The following OVCH1 variants were observed in gnomAD, a reference collection of about 807,000 sequenced individuals.
The protein encoded by OVCH1 is ovochymase-1.
OVCH1 carries 139 observed loss-of-function variants against 138.4 expected under a neutral mutation model. The observed-to-expected ratio is 1.00, with a 90% CI of 0.87 to 1.16. The LOEUF is 1.16. Ranked by LOEUF, OVCH1 falls within the 50% of genes most tolerant of loss-of-function variation. The pLI, the probability that OVCH1 is intolerant of heterozygous loss-of-function variation, is 0.00. For synonymous variants in OVCH1, 453 were observed against 467.8 expected, an observed-to-expected ratio of 0.97 and a Z score of 0.41; for missense variants, 1,367 against 1,357.9, an observed-to-expected ratio of 1.01 and a Z score of -0.11.
At chr12:29,403,741 A>G in the OVCH1 span, among the ~76,000 whole-genome samples, 2 of 152,228 alleles carry the variant, frequency 1.3e-5, no homozygotes, top group Non-Finnish European at 2.9e-5. Context: ...CAATTGTGAA[A>G]CTGGCAGGGA....
At chr12:29,459,627 C>T (rs75649479) in intron 19 of OVCH1, among the ~76,000 whole-genome samples, 9,718 of 152,082 alleles carry the variant, frequency 0.064, 366 homozygotes, top group Non-Finnish European at 0.082. Flanking sequence ...ATCACTAAAA[C>T]GATATGATTG....
At chr12:29,436,378 T>A (rs1941360030) in intron 26 of OVCH1, among the ~76,000 whole-genome samples, 1 of 152,184 alleles carries the variant, frequency 6.6e-6, no homozygotes, top group African/African-American at 2.4e-5. Context: ...ACATGTTATA[T>A]AACATTTGAC....
At chr12:29,482,517 C>T (rs1476339709) in intron 8 of OVCH1, among the ~76,000 whole-genome samples, 5 of 152,094 alleles carry the variant, frequency 3.3e-5, no homozygotes, top group Non-Finnish European at 7.4e-5. Flanking sequence ...TCTAACTTGC[C>T]CCACAAAGGC....
intron 3 of OVCH1, among the ~76,000 whole-genome samples, chr12:29,414,344 G>C (rs1270130934): frequency 6.6e-6 from 1 of 151,990 alleles, no homozygotes; most frequent in African/African-American, 2.4e-5. Flanking sequence ...TTCTTATTCT[G>C]ATTTTTTTCA....
intron 16 of OVCH1, among the ~76,000 whole-genome samples, chr12:29,471,133 G>A (rs1371643393): frequency 6.6e-6 from 1 of 152,054 alleles, no homozygotes; most frequent in African/African-American, 2.4e-5. Flanking sequence ...CTCGAAAGGT[G>A]AGTATAAAGA....
intron 12 of OVCH1, among the ~76,000 whole-genome samples, chr12:29,476,749 A>ACGCGCACGCG (rs1555151633): frequency 2.3e-4 from 4 of 17,160 alleles, no homozygotes; most frequent in African/African-American, 4.2e-4. Flanking sequence ...ATAAGTACAC[A>ACGCGCACGCG]CGCGCGCACA....
In OVCH1 at chr12:29,439,561, G is replaced by T; in HGVS notation, c.3158-127C>A. On this transcript the variant is annotated intron_variant, in intron 25 of 27. Coordinates refer to ENST00000318184, the Ensembl canonical transcript of OVCH1. ...CTCTACTACAACTACTGCTACTCTC[G>T]GTACTTTACCTCTCACACCAGATGT... 5.0e-6 allele frequency: 6 copies of T among 1,200,502 alleles called. No individual in the cohort carries two copies. In the South Asian group the frequency reaches 8.7e-5, roughly 17 times the overall value. 74.4% of individuals were successfully genotyped at this position (1,200,502 alleles called of 1,614,324 possible). A position where few individuals can be genotyped will look rare whatever the true frequency, so the allele number is the denominator to read the frequency against.
intron 22 of OVCH1, among the ~76,000 whole-genome samples, chr12:29,448,231 C>T (rs1941672249): frequency 6.7e-6 from 1 of 150,040 alleles, no homozygotes; most frequent in South Asian, 2.1e-4. Flanking sequence ...TAACAAGAGG[C>T]AGAGCTCAGG....
the OVCH1 span, among the ~76,000 whole-genome samples, chr12:29,403,202 G>A: frequency 6.6e-6 from 1 of 152,046 alleles, no homozygotes; most frequent in Non-Finnish European, 1.5e-5. Flanking sequence ...ATATAAAGTA[G>A]CTAATTTTCA....
chr12:29,443,139 C>T (rs1043499244), intron 25 of OVCH1, among the ~76,000 whole-genome samples: 7 of 151,982 alleles, frequency 4.6e-5, no homozygotes, highest in Non-Finnish European at 1.0e-4. Context: ...TAGGTATGAT[C>T]CATGTAAGAA....
intron 4 of OVCH1, among the ~76,000 whole-genome samples, chr12:29,494,582 CAATG>C (rs1005863191): frequency 1.3e-5 from 2 of 152,052 alleles, no homozygotes; most frequent in African/African-American, 2.4e-5. Context: ...AGTTGTTCAT[CAATG>C]AATGAATGAA....
At chr12:29,416,166 G>C (rs1409842906) in intron 3 of OVCH1, among the ~76,000 whole-genome samples, 1 of 151,968 alleles carries the variant, frequency 6.6e-6, no homozygotes, top group Non-Finnish European at 1.5e-5. Context: ...AAAATTAACT[G>C]GAAAGGATCA....
At chr12:29,471,913 C>A (rs758510257) in exon 16 of OVCH1, 2 of 1,613,400 alleles carry the variant, frequency 1.2e-6, no homozygotes, top group African/African-American at 2.7e-5. Flanking sequence ...ACAGTGGGGG[C>A]AGGCTTCTTC....
chr12:29,429,251 C>T (rs1476017036), intron 27 of OVCH1, among the ~76,000 whole-genome samples: 2 of 152,128 alleles, frequency 1.3e-5, no homozygotes, highest in East Asian at 1.9e-4. Context: ...AAACATATGG[C>T]ATCTGGACAA....
At chr12:29,465,265 T>C in intron 16 of OVCH1, 46 bp from the exon 17 acceptor site, 1 of 1,497,018 alleles carries the variant, frequency 6.7e-7, no homozygotes, top group East Asian at 2.4e-5. Flanking sequence ...AACACATTTG[T>C]ATTAGTTTGT....
At chr12:29,485,882 G>T (rs1943083019) in intron 8 of OVCH1, among the ~76,000 whole-genome samples, 1 of 151,696 alleles carries the variant, frequency 6.6e-6, no homozygotes, top group African/African-American at 2.4e-5. Flanking sequence ...GGCAGAGGTT[G>T]CAGTGAGCAG....
Position 29,491,087 on chromosome 12 carries a change from TG to T in OVCH1, c.550+9del. The T allele has an allele frequency of 1.2e-6, 2 of 1,607,050 alleles. No homozygotes were observed. The highest frequency in any genetic ancestry group is 4.5e-5 in the East Asian group (2 of 44,828). On this transcript the variant is annotated intron_variant, in intron 5 of 27. Coordinates refer to ENST00000318184, the Ensembl canonical transcript of OVCH1. ...TGGAAGAAGTATTAAGTCATTTTGG[TG>T]TCTCTTACTTTTGGAAATCTTGCCC...
chr12:29,477,150 G>A (rs1360875793), exon 12 of OVCH1: 1 of 1,613,372 alleles, frequency 6.2e-7, no homozygotes, highest in Non-Finnish European at 8.5e-7. Context: ...GACACCTTGT[G>A]TTACTGGGAT....
intron 7 of OVCH1, chr12:29,487,458 C>A: frequency 4.9e-6 from 2 of 405,856 alleles, no homozygotes; most frequent in East Asian, 4.0e-5. Flanking sequence ...TTAATAAAAT[C>A]TCGTAAATGC....
Sources: gnomAD v4.1 joint callset for allele counts (sites outside exome capture counted in the v4.1 genomes callset) on GRCh38, gnomAD v4.1.1 for gene constraint, MANE v1.5 for transcripts, NCBI Gene and HGNC (gene_info 2026-07-23, HGNC 2026-07-21) for gene names.